The following LINC00632 variants were observed in gnomAD, a reference collection of about 807,000 sequenced individuals.
The protein encoded by LINC00632 is long independently transcribed non-coding RNA 632.
chrX:140,716,937 A>T (rs1218831078), intron 2 of LINC00632, among the ~76,000 whole-genome samples: 1 of 110,787 alleles, frequency 9.0e-6, no homozygotes. Context: ...TCCTAAATAC[A>T]TGCTCCTAAA....
At chrX:140,722,045 A>G (rs1380786485) in intron 2 of LINC00632, among the ~76,000 whole-genome samples, 3 of 111,142 alleles carry the variant, frequency 2.7e-5, no homozygotes, top group Non-Finnish European at 5.7e-5. Flanking sequence ...ACTTCTCACA[A>G]CTTACAGACT....
intron 3 of LINC00632, among the ~76,000 whole-genome samples, chrX:140,766,835 G>T (rs1275765657): frequency 8.9e-6 from 1 of 112,119 alleles, no homozygotes; most frequent in Non-Finnish European, 1.9e-5. Flanking sequence ...TTTAATGGAA[G>T]AGTTGTATCG....
intron 3 of LINC00632, among the ~76,000 whole-genome samples, chrX:140,764,876 C>T (rs991993824): frequency 1.8e-5 from 2 of 111,058 alleles, no homozygotes; most frequent in East Asian, 2.9e-4. Flanking sequence ...CTTCCTCCTC[C>T]GGGCTATCTT....
At chrX:140,753,835 G>C (rs1380387038) in intron 3 of LINC00632, among the ~76,000 whole-genome samples, 2 of 95,094 alleles carry the variant, frequency 2.1e-5, no homozygotes, top group Non-Finnish European at 4.0e-5. Flanking sequence ...AAGTGCAGTG[G>C]CATGATCTCG....
intron 2 of LINC00632, among the ~76,000 whole-genome samples, chrX:140,723,689 T>C (rs116812903): frequency 0.08 from 9 of 113 alleles, no homozygotes; most frequent in East Asian, 0.12. Flanking sequence ...TACACACACA[T>C]AGACACACAT....
chrX:140,724,532 AC>A (rs1172084769), intron 2 of LINC00632, among the ~76,000 whole-genome samples: 1 of 77,002 alleles, frequency 1.3e-5, no homozygotes, highest in African/African-American at 4.7e-5. Context: ...CATTCCACAC[AC>A]ACATTCCATA....
chrX:140,717,862 C>T (rs1035285964), intron 2 of LINC00632, among the ~76,000 whole-genome samples: 2 of 111,331 alleles, frequency 1.8e-5, no homozygotes, highest in South Asian at 3.8e-4. Flanking sequence ...ATGGGCTGGG[C>T]GTGGTGGGTC....
At chrX:140,717,667 A>G (rs1930658107) in intron 2 of LINC00632, among the ~76,000 whole-genome samples, 1 of 111,497 alleles carries the variant, frequency 9.0e-6, no homozygotes, top group Admixed American at 9.6e-5. Flanking sequence ...AACTTGCTCT[A>G]CAATGGTTAA....
intron 3 of LINC00632, among the ~76,000 whole-genome samples, chrX:140,735,596 C>T (rs1020247855): frequency 4.5e-5 from 5 of 110,752 alleles, no homozygotes; most frequent in African/African-American, 9.9e-5. Context: ...GACAGAGTTT[C>T]GCTCTTGTTG....
chrX:140,788,536 G>C (rs192280510), exon 5 of LINC00632, among the ~76,000 whole-genome samples: 32 of 109,354 alleles, frequency 2.9e-4, no homozygotes, highest in Non-Finnish European at 5.7e-5. Context: ...TTGAACATGT[G>C]TTATTTTCAA....
chrX:140,717,787 A>G (rs899321842), intron 2 of LINC00632, among the ~76,000 whole-genome samples: 1 of 111,667 alleles, frequency 9.0e-6, no homozygotes, highest in Non-Finnish European at 1.9e-5. Context: ...CAGTTTTCTC[A>G]GCTACTTGTT....
chrX:140,731,159 C>T (rs1931049526), intron 2 of LINC00632, among the ~76,000 whole-genome samples: 2 of 112,092 alleles, frequency 1.8e-5, no homozygotes, highest in Middle Eastern at 4.6e-3. Context: ...CCTTGGCCTC[C>T]CAAAGTGCTG....
At chrX:140,772,575 T>A (rs930028463) in exon 4 of LINC00632, 1 of 268,591 alleles carries the variant, frequency 3.7e-6, no homozygotes, top group Non-Finnish European at 6.5e-6. Flanking sequence ...GCGAACACAA[T>A]GAAAGTTCTT....
intron 2 of LINC00632, among the ~76,000 whole-genome samples, chrX:140,717,605 C>T (rs1175999021): frequency 9.0e-6 from 1 of 111,164 alleles, no homozygotes; most frequent in African/African-American, 3.3e-5. Context: ...CCCAGACTGG[C>T]ACAAGACAAA....
intron 3 of LINC00632, among the ~76,000 whole-genome samples, chrX:140,735,683 C>T (rs1465410256): frequency 9.0e-6 from 1 of 111,035 alleles, no homozygotes; most frequent in Non-Finnish European, 1.9e-5. Context: ...TCTCCTGCCT[C>T]AGCCTCCCAA....
intron 1 of LINC00632, chrX:140,711,604 T>A: frequency 3.2e-6 from 1 of 317,321 alleles, no homozygotes; most frequent in Non-Finnish European, 6.2e-6. Flanking sequence ...TGTGCTTTTC[T>A]GGTTTTTTCT....
chrX:140,717,885 C>G (rs1930661809), intron 2 of LINC00632, among the ~76,000 whole-genome samples: 1 of 111,296 alleles, frequency 9.0e-6, no homozygotes, highest in South Asian at 3.8e-4. Context: ...ACCTGTAATT[C>G]CAGCACTTTG....
exon 5 of LINC00632, among the ~76,000 whole-genome samples, chrX:140,775,664 A>G (rs1232200814): frequency 3.6e-5 from 4 of 112,113 alleles, no homozygotes; most frequent in Non-Finnish European, 7.5e-5. Flanking sequence ...AAGATAATTC[A>G]TTGGCATGTG....
chrX:140,712,825 C>G (rs1930545943), intron 2 of LINC00632, among the ~76,000 whole-genome samples: 2 of 105,867 alleles, frequency 1.9e-5, no homozygotes, highest in Non-Finnish European at 3.9e-5. Context: ...GACTTCTGCA[C>G]CGGGCCTCTT....
Sources: gnomAD v4.1 joint callset for allele counts (sites outside exome capture counted in the v4.1 genomes callset) on GRCh38, gnomAD v4.1.1 for gene constraint, MANE v1.5 for transcripts, NCBI Gene and HGNC (gene_info 2026-07-23, HGNC 2026-07-21) for gene names.